The following SEMA3D variants were observed in gnomAD, a reference collection of about 807,000 sequenced individuals.
SEMA3D encodes the protein semaphorin 3D, also known as semaphorin-3D.
A neutral mutation model predicts 100.1 loss-of-function variants in SEMA3D; 84 were observed. The ratio of observed to expected loss-of-function variants is 0.84; its 90% CI spans 0.70 to 1.01. The LOEUF is 1.01. Ranked by LOEUF, SEMA3D falls within the 50% of genes least tolerant of loss-of-function variation. The probability of loss-of-function intolerance (pLI) is 0.00; values close to 1 mark genes in which losing one functional copy is unlikely to be tolerated. For missense variants in SEMA3D, 875 were observed against 934.1 expected (o/e 0.94, Z 0.82); for synonymous variants, 312 against 320.7 (o/e 0.97, Z 0.29).
intron 2 of SEMA3D, among the ~76,000 whole-genome samples, chr7:85,151,393 A>G (rs892835390): frequency 5.9e-5 from 9 of 152,088 alleles, no homozygotes; most frequent in Admixed American, 5.9e-4. Context: ...ATTTTTCCCA[A>G]CCCCAAATTA....
intron 1 of SEMA3D, among the ~76,000 whole-genome samples, chr7:85,155,923 T>C (rs1790582902): frequency 6.6e-6 from 1 of 152,134 alleles, no homozygotes; most frequent in African/African-American, 2.4e-5. Flanking sequence ...TCCCTTTATT[T>C]TAGCTGATGT....
rs1255270573 is a variant in SEMA3D at position 85,006,944 on chromosome 7, G to C, written c.1769-3C>G. On this transcript the variant is annotated splice_polypyrimidine_tract_variant and splice_region_variant and intron_variant, in intron 17 of 18. Coordinates refer to ENST00000284136, the MANE Select transcript of SEMA3D (RefSeq NM_001384900.1). ...ATCAGCAGTTTCATGACTAATGCCTGGAAAGCAAACATGGAATAAGAGATT... is the reference window on the plus strand; with the variant it reads ...ATCAGCAGTTTCATGACTAATGCCTCGAAAGCAAACATGGAATAAGAGATT... 6.2e-6 allele frequency: 10 copies of C among 1,606,702 alleles called. No homozygotes were observed. The highest frequency in any genetic ancestry group is 8.5e-6 in the Non-Finnish European group (10 of 1,175,740).
the SEMA3D span, among the ~76,000 whole-genome samples, chr7:85,244,374 C>T: frequency 1.6e-4 from 25 of 152,090 alleles, no homozygotes; most frequent in African/African-American, 6.0e-4. Flanking sequence ...ACTAGTAATC[C>T]CCACTTCCAC....
chr7:84,999,576 T>A lies in SEMA3D; in HGVS notation c.2198A>T (p.Gln733Leu). 6.2e-7 allele frequency: 1 copy of A among 1,614,154 alleles called. No individual in the cohort carries two copies. Among genetic ancestry groups the A allele is most frequent in the African/African-American group, 1.3e-5 (1 of 75,046 alleles). The change falls in exon 19 of 19, where the codon CAG becomes CTG. Residue 733 changes from glutamine (Q) to leucine (L), a missense_variant. Physicochemically the swap from Gln to Leu is moderately radical, Grantham distance 113 (BLOSUM62 -2). Coordinates refer to ENST00000284136, the MANE Select transcript of SEMA3D (RefSeq NM_001384900.1). Reference sequence around the variant, plus strand: ...TCTCCGCTTCTCCCTGTGCCACATCTGTTCGCAGTACTGGTCGAGGCTGAA... The same window carrying A: ...TCTCCGCTTCTCCCTGTGCCACATCAGTTCGCAGTACTGGTCGAGGCTGAA... ...PNFSLDQYCE[Q>L]MWHREKRRQR...
chr7:85,038,617 G>A (rs936173621), intron 11 of SEMA3D, among the ~76,000 whole-genome samples: 3 of 152,136 alleles, frequency 2.0e-5, no homozygotes, highest in Non-Finnish European at 4.4e-5. Context: ...GAACTATCTT[G>A]GGGCTATATT....
rs373851917 is a variant in SEMA3D, at chr7:85,160,039, T to G, written c.-172-6300A>C. On this transcript the variant is annotated intron_variant, in intron 1 of 18. Coordinates refer to ENST00000284136, the MANE Select transcript of SEMA3D (RefSeq NM_001384900.1). Reference sequence around the variant, plus strand: ...ATCATTTGTGGATTAAAAACTGAACTGTTATTTTATTGAACTGCAAACAGT... The same window carrying G: ...ATCATTTGTGGATTAAAAACTGAACGGTTATTTTATTGAACTGCAAACAGT... 1.8e-5 allele frequency: 17 copies of G among 945,742 alleles called. No homozygotes were observed. The East Asian group carries it at 7.0e-4, about 39-fold the overall frequency. The allele number at this position is 945,742 out of a possible 1,614,324, so 58.6% of individuals were successfully genotyped here.
chr7:85,006,812 T>A lies in SEMA3D; in HGVS notation c.1898A>T (p.His633Leu). Residue 633 changes from histidine (H) to leucine (L), a missense_variant, in exon 18 of 19, where the codon CAT becomes CTT. Physicochemically the swap from His to Leu is moderately conservative, Grantham distance 99 (BLOSUM62 -3). Coordinates refer to ENST00000284136, the MANE Select transcript of SEMA3D (RefSeq NM_001384900.1). ...KWYIQRSGDE[H>L]REELKPDERI... The stretch of plus-strand genomic sequence containing the variant: ...ATGACAACAGCTTACCTCCTCTCGA[T>A]GCTCATCCCCTGACCTCTGGATATA... 1 of 1,592,334 alleles carries A rather than the reference T, an allele frequency of 6.3e-7. No individual in the cohort carries two copies. The highest frequency in any genetic ancestry group is 1.7e-4 in the Middle Eastern group (1 of 5,972).
At chr7:85,199,065 T>C in the SEMA3D span, among the ~76,000 whole-genome samples, 1 of 152,020 alleles carries the variant, frequency 6.6e-6, no homozygotes, top group South Asian at 2.1e-4. Flanking sequence ...AGTTCTTTTT[T>C]AAATTTCCGG....
the SEMA3D span, among the ~76,000 whole-genome samples, chr7:85,221,227 A>G: frequency 1.3e-5 from 2 of 152,106 alleles, no homozygotes; most frequent in African/African-American, 2.4e-5. Flanking sequence ...TAAGGAAAAT[A>G]TAAGTAAAAA....
chr7:85,052,356 T>A (rs144517716), intron 9 of SEMA3D, among the ~76,000 whole-genome samples: 12 of 152,050 alleles, frequency 7.9e-5, no homozygotes, highest in Non-Finnish European at 1.5e-4. Flanking sequence ...AAACTTCTTA[T>A]CAACCAACTT....
At chr7:85,161,358 G>A (rs1006686019) in intron 1 of SEMA3D, among the ~76,000 whole-genome samples, 2 of 148,590 alleles carry the variant, frequency 1.3e-5, no homozygotes, top group African/African-American at 4.8e-5. Flanking sequence ...CACATAATTA[G>A]CAATAGGGGT....
At chr7:85,151,091 TCC>T (rs949978792) in intron 2 of SEMA3D, among the ~76,000 whole-genome samples, 2 of 100,160 alleles carry the variant, frequency 2.0e-5, no homozygotes, top group African/African-American at 8.4e-5. Flanking sequence ...ATAAAAAAAA[TCC>T]ACACACACAC....
In SEMA3D at chr7:85,015,214, T is replaced by C; in HGVS notation, c.1548A>G (p.Gln516=). 1.2e-6 allele frequency: 2 copies of C among 1,605,284 alleles called. No homozygotes were observed. The highest frequency in any genetic ancestry group is 1.7e-6 in the Non-Finnish European group (2 of 1,173,454). Residue 516 remains glutamine (Q), a splice_region_variant and synonymous_variant, in exon 16 of 19, where the codon CAA becomes CAG. Coordinates refer to ENST00000284136, the MANE Select transcript of SEMA3D (RefSeq NM_001384900.1). ...ILNMELSLKQ[Q]QLYIGSRDGL... ...CATCTCGGGAACCAATGTACAATTG[T>C]TGCTGCAAATCGGGCAAAACAAATG...
At chr7:85,035,856 C>G (rs1288388602) in intron 12 of SEMA3D, among the ~76,000 whole-genome samples, 1 of 151,584 alleles carries the variant, frequency 6.6e-6, no homozygotes. Context: ...AGTTAGAAAC[C>G]ATCCTTGAAA....
chr7:85,067,067 AAAT>A (rs1307928965), intron 7 of SEMA3D, among the ~76,000 whole-genome samples: 1 of 152,188 alleles, frequency 6.6e-6, no homozygotes, highest in South Asian at 2.1e-4. Context: ...AAAAAGAATA[AAAT>A]AATAACAACA....
At position 85,018,301 on chromosome 7, in the gene SEMA3D, T is replaced by C. The variant is rs1790161075; in HGVS notation, c.1504-8A>G. The stretch of plus-strand genomic sequence containing the variant: ...CAAGATGATTGATGAGTGCTGAAAA[T>C]AGAAGTTAAATGTCAATAAAGATAA... On this transcript the variant is annotated splice_polypyrimidine_tract_variant and splice_region_variant and intron_variant, in intron 14 of 18. Coordinates refer to ENST00000284136, the MANE Select transcript of SEMA3D (RefSeq NM_001384900.1). 1.3e-6 allele frequency: 2 copies of C among 1,568,640 alleles called. No homozygotes were observed. Among genetic ancestry groups the C allele is most frequent in the Admixed American group, 1.7e-5 (1 of 59,530 alleles).
intron 12 of SEMA3D, chr7:85,028,128 C>A: frequency 1.6e-6 from 1 of 639,532 alleles, no homozygotes; most frequent in South Asian, 1.5e-5. Context: ...TGCTGGCAGG[C>A]CCAAGGTCCA....
chr7:85,220,121 G>A, the SEMA3D span, among the ~76,000 whole-genome samples: 1 of 151,934 alleles, frequency 6.6e-6, no homozygotes, highest in African/African-American at 2.4e-5. Flanking sequence ...ACTTTAGTTT[G>A]CCTTATTCTT....
At chr7:85,083,581 A>T (rs1002335067) in intron 4 of SEMA3D, among the ~76,000 whole-genome samples, 1 of 152,118 alleles carries the variant, frequency 6.6e-6, no homozygotes, top group African/African-American at 2.4e-5. Flanking sequence ...GCGGTGGCTC[A>T]CGCCTGTAAT....
Sources: gnomAD v4.1 joint callset for allele counts (sites outside exome capture counted in the v4.1 genomes callset) on GRCh38, gnomAD v4.1.1 for gene constraint, MANE v1.5 for transcripts, NCBI Gene and HGNC (gene_info 2026-07-23, HGNC 2026-07-21) for gene names.